GRM5: variants seen among roughly 807,000 people sequenced by gnomAD.
GRM5 encodes metabotropic glutamate receptor 5.
Under a neutral mutation model 83.1 loss-of-function variants are expected in GRM5, and 19 were observed. That is an observed-to-expected ratio of 0.23 (90% CI 0.16 to 0.34). The LOEUF is 0.34. GRM5 is among the 10% of genes least tolerant of loss of function. The pLI is 1.00. For missense variants in GRM5, 1,160 were observed against 1,588.3 expected (o/e 0.73, Z 4.58); for synonymous variants, 675 against 633.6 (o/e 1.07, Z -0.98).
intron 3 of GRM5, among the ~76,000 whole-genome samples, chr11:88,802,805 T>C (rs1247413652): frequency 2.0e-5 from 3 of 150,548 alleles, no homozygotes; most frequent in Non-Finnish European, 4.4e-5. Flanking sequence ...CAGCCCAAAA[T>C]CTCCTTAAGC....
intron 2 of GRM5, among the ~76,000 whole-genome samples, chr11:88,919,557 G>A (rs1391311025): frequency 6.6e-6 from 1 of 151,288 alleles, no homozygotes; most frequent in African/African-American, 2.4e-5. Flanking sequence ...GGATCTAATA[G>A]ATATTTACAG....
At position 88,601,267 on chromosome 11, in the gene GRM5, G is replaced by A. The variant is rs774504740; in HGVS notation, c.1394+3451C>T. ...GAGCAGAGACATATATCAAGAATCC[G>A]CATGCACACAAAGTCGTTATCTGCC... On this transcript the variant is annotated intron_variant, in intron 5 of 9. Coordinates refer to ENST00000305447, the MANE Select transcript of GRM5 (RefSeq NM_001143831.3). 5.9e-5 allele frequency among the ~76,000 whole-genome samples: 9 copies of A among 152,038 alleles called. 2 individuals carry two copies. The highest frequency in any genetic ancestry group is 7.4e-5 in the Non-Finnish European group (5 of 68,010).
At chr11:88,819,244 A>C (rs988463146) in intron 3 of GRM5, among the ~76,000 whole-genome samples, 1 of 152,194 alleles carries the variant, frequency 6.6e-6, no homozygotes, top group Non-Finnish European at 1.5e-5. Flanking sequence ...AACACTGTGA[A>C]CTCCAGCTTT....
At chr11:88,694,205 A>C (rs2135363861) in intron 3 of GRM5, among the ~76,000 whole-genome samples, 1 of 152,304 alleles carries the variant, frequency 6.6e-6, no homozygotes, top group African/African-American at 2.4e-5. Context: ...TGGAATTTTA[A>C]GTTTTATTAA....
chr11:88,537,961 A>G (rs941962003), intron 8 of GRM5, among the ~76,000 whole-genome samples: 11 of 152,272 alleles, frequency 7.2e-5, no homozygotes, highest in African/African-American at 2.6e-4. Context: ...TGGGGAAGCA[A>G]TGCAAATAAG....
chr11:88,852,406 C>G (rs952806802), intron 2 of GRM5, among the ~76,000 whole-genome samples: 1 of 151,944 alleles, frequency 6.6e-6, no homozygotes, highest in African/African-American at 2.4e-5. Flanking sequence ...TCTGGTAGGT[C>G]ACCTGAACCC....
intron 4 of GRM5, among the ~76,000 whole-genome samples, chr11:88,606,329 C>A (rs1938142406): frequency 6.6e-6 from 1 of 152,162 alleles, no homozygotes; most frequent in African/African-American, 2.4e-5. Context: ...TTAAGAACAG[C>A]CTGGCCAACA....
At position 88,751,066 on chromosome 11, in the gene GRM5, A is replaced by G. The variant is rs11525320; in HGVS notation, c.912-97663T>C. The stretch of plus-strand genomic sequence containing the variant: ...AGAGGAAACAAACCCCAAAGATAGC[A>G]GAAGCCAAAAAAAAAAAAAAAAAAA... On this transcript the variant is annotated intron_variant, in intron 3 of 9. Coordinates refer to ENST00000305447, the MANE Select transcript of GRM5 (RefSeq NM_001143831.3). 1.2e-4 allele frequency among the ~76,000 whole-genome samples: 14 copies of G among 118,722 alleles called. 2 individuals are homozygous for G. In the Admixed American group the frequency reaches 1.2e-3, roughly 10 times the overall value. 77.9% of individuals were successfully genotyped at this position (118,722 alleles called of 152,430 possible).
chr11:88,713,526 T>A (rs1177856099), intron 3 of GRM5, among the ~76,000 whole-genome samples: 1 of 152,060 alleles, frequency 6.6e-6, no homozygotes, highest in African/African-American at 2.4e-5. Flanking sequence ...TCTCTATATC[T>A]GCTACATAGT....
chr11:88,845,587 C>T (rs1043551237), intron 3 of GRM5, among the ~76,000 whole-genome samples: 2 of 151,800 alleles, frequency 1.3e-5, no homozygotes, highest in African/African-American at 2.4e-5. Flanking sequence ...GCGCACGCCG[C>T]GACACCCGGC....
At chr11:88,979,888 G>A (rs191009709) in intron 2 of GRM5, among the ~76,000 whole-genome samples, 201 of 152,238 alleles carry the variant, frequency 1.3e-3, no homozygotes, top group African/African-American at 4.7e-3. Flanking sequence ...TTGCTGTTGA[G>A]TCACGGTCTT....
At chr11:88,541,872 A>T (rs772063376) in intron 8 of GRM5, among the ~76,000 whole-genome samples, 20 of 152,184 alleles carry the variant, frequency 1.3e-4, no homozygotes, top group Non-Finnish European at 2.6e-4. Flanking sequence ...GTGTGGAGGA[A>T]GGGAGGTGAT....
At chr11:88,784,687 T>G (rs1368621647) in intron 3 of GRM5, among the ~76,000 whole-genome samples, 1 of 151,998 alleles carries the variant, frequency 6.6e-6, no homozygotes, top group African/African-American at 2.4e-5. Context: ...ATTTTATAAA[T>G]GAAGGTAACT....
intron 2 of GRM5, among the ~76,000 whole-genome samples, chr11:88,988,907 T>G (rs1355277620): frequency 6.8e-6 from 1 of 147,504 alleles, no homozygotes; most frequent in Admixed American, 6.8e-5. Flanking sequence ...TGCAAAATCA[T>G]GCCAAAATGT....
intron 3 of GRM5, among the ~76,000 whole-genome samples, chr11:88,743,266 A>G (rs72966431): frequency 0.087 from 13,299 of 152,132 alleles, 678 homozygotes; most frequent in African/African-American, 0.15. Context: ...TCAAGAGAAA[A>G]TATCTACTCA....
chr11:88,734,579 A>G (rs1941873971), intron 3 of GRM5, among the ~76,000 whole-genome samples: 1 of 152,052 alleles, frequency 6.6e-6, no homozygotes, highest in Non-Finnish European at 1.5e-5. Flanking sequence ...GTTACAACAT[A>G]AGTTGATCCA....
In GRM5 at chr11:88,793,823, TGTTC is replaced by T. The variant is rs201635191; in HGVS notation, c.911+56079_911+56082del. Among the ~76,000 whole-genome samples the T allele has an allele frequency of 5.6e-3, 858 of 152,154 alleles. 14 individuals are homozygous for T. The East Asian group carries it at 0.07, about 12-fold the overall frequency. On this transcript the variant is annotated intron_variant, in intron 3 of 9. Transcript: ENST00000305447. ...AACAGAGAAGACTGTTTTTTTTGTT[TGTTC>T]GTTTGTTTGTTTTTGTAGAGACAGG...
At chr11:88,880,459 T>G (rs1944933499) in intron 2 of GRM5, among the ~76,000 whole-genome samples, 1 of 152,202 alleles carries the variant, frequency 6.6e-6, no homozygotes, top group South Asian at 2.1e-4. Flanking sequence ...CAAATTGGCA[T>G]AGTTCTATAT....
chr11:88,751,672 C>T (rs1487783808), intron 3 of GRM5, among the ~76,000 whole-genome samples: 1 of 152,176 alleles, frequency 6.6e-6, no homozygotes, highest in Non-Finnish European at 1.5e-5. Context: ...AGGCCAATAT[C>T]CTTGTTGAAC....
Sources: gnomAD v4.1 joint callset for allele counts (sites outside exome capture counted in the v4.1 genomes callset) on GRCh38, gnomAD v4.1.1 for gene constraint, MANE v1.5 for transcripts, NCBI Gene and HGNC (gene_info 2026-07-23, HGNC 2026-07-21) for gene names.